The following BCL3 variants were observed in gnomAD, a reference collection of about 807,000 sequenced individuals.
BCL3 encodes BCL3 transcription coactivator, also known as B-cell lymphoma 3 protein.
A neutral mutation model predicts 35.7 loss-of-function variants in BCL3; 15 were observed. The ratio of observed to expected loss-of-function variants is 0.42; its 90% CI spans 0.28 to 0.65. The LOEUF (loss-of-function observed/expected upper bound fraction) is 0.65. Among genes scored for constraint, BCL3 ranks in the 30% least tolerant of loss-of-function variants. BCL3 has a pLI of 0.22. For missense variants in BCL3, 565 were observed against 641.7 expected (o/e 0.88, Z 1.29); for synonymous variants, 311 against 284.3 (o/e 1.09, Z -0.95).
At position 44,752,989 on chromosome 19, in the gene BCL3, T is replaced by A. The variant is rs577294706; in HGVS notation, c.410+1609T>A. Among the ~76,000 whole-genome samples the A allele has an allele frequency of 2.0e-5, 3 of 152,316 alleles. No homozygotes were observed. The South Asian group carries it at 6.2e-4, about 32-fold the overall frequency. On this transcript the variant is annotated intron_variant, in intron 2 of 8. Transcript: ENST00000164227. ...CACTGGCCCACTGAGTGATTTCATGTCCCTGAGTCTCAGTTTCCCTATTTG... is the reference window on the plus strand; with the variant it reads ...CACTGGCCCACTGAGTGATTTCATGACCCTGAGTCTCAGTTTCCCTATTTG...
Position 44,758,794 on chromosome 19 carries a change from G to C in BCL3, c.1130G>C (p.Arg377Pro). 3.1e-6 allele frequency: 5 copies of C among 1,608,208 alleles called. No homozygotes were observed. Among genetic ancestry groups the C allele is most frequent in the Non-Finnish European group, 4.2e-6 (5 of 1,178,188 alleles). ...TCCCAGCCAGACCCCTCCCCTGACCGGAGCGCCAACACCTCCCCCGAGAGC... is the reference window on the plus strand; with the variant it reads ...TCCCAGCCAGACCCCTCCCCTGACCCGAGCGCCAACACCTCCCCCGAGAGC... ...STSQPDPSPDRSANTSPESSS... is the reference protein window; with the variant it reads ...STSQPDPSPDPSANTSPESSS... The change falls in exon 8 of 9, where the codon CGG (arginine) becomes CCG (proline). Residue 377 changes from arginine to proline, a missense_variant. This residue lies in a region of BCL3 where 151 missense variants were observed against 138.1 expected (regional missense o/e 1.09). Coordinates refer to ENST00000164227, the MANE Select transcript of BCL3 (RefSeq NM_005178.5).
Position 44,757,152 on chromosome 19 carries a change from A to C in BCL3, c.655A>C (p.Thr219Pro). 1 of 1,588,254 alleles carries C rather than the reference A, an allele frequency of 6.3e-7. No homozygotes were observed. The highest frequency in any genetic ancestry group is 8.6e-7 in the Non-Finnish European group (1 of 1,167,902). ...CCTGGCGTGCGAGCACCGCAGCCCG[A>C]CCTGCCTGCGAGCCCTGCTGGACAG... Reference protein sequence around the residue: ...AHLACEHRSPTCLRALLDSAA... With the variant: ...AHLACEHRSPPCLRALLDSAA... Residue 219 changes from threonine to proline, a missense_variant, in exon 4 of 9, where the codon ACC becomes CCC. Coordinates refer to ENST00000164227, the MANE Select transcript of BCL3 (RefSeq NM_005178.5). The surrounding 1 kb of genome is among the most constrained non-coding windows in gnomAD (Gnocchi z 8.4).
At chr19:44,748,249 A>G, upstream of BCL3, 1 of 432,070 alleles carries the variant, frequency 2.3e-6, no homozygotes, top group South Asian at 2.1e-5. Flanking sequence ...GACAAAAGAG[A>G]GAGACAGAGA....
chr19:44,759,351 CAGAT>C, intron 8 of BCL3, 73 bp from the exon 9 acceptor site: 3 of 1,208,870 alleles, frequency 2.5e-6, no homozygotes, highest in African/African-American at 1.6e-5. Flanking sequence ...CCCTCAGACC[CAGAT>C]CTCAGGCCCC....
intron 2 of BCL3, among the ~76,000 whole-genome samples, chr19:44,751,976 A>T (rs55917173): frequency 0.054 from 8,161 of 152,192 alleles, 434 homozygotes; most frequent in African/African-American, 0.14. Context: ...CAGTTCATTG[A>T]TTAACTTACT....
chr19:44,749,287 G>C (rs904046574), intron 1 of BCL3, among the ~76,000 whole-genome samples: 3 of 59,366 alleles, frequency 5.1e-5, no homozygotes, highest in African/African-American at 7.7e-5. Context: ...AGTGACGTGG[G>C]GGGGGGGGGG....
intron 1 of BCL3, among the ~76,000 whole-genome samples, chr19:44,750,764 C>T (rs1442207273): frequency 6.6e-6 from 1 of 152,110 alleles, no homozygotes; most frequent in Non-Finnish European, 1.5e-5. Context: ...GTCTGGGCAA[C>T]AGAGCGAGAC....
At chr19:44,754,447 C>T (rs1967243280) in intron 2 of BCL3, among the ~76,000 whole-genome samples, 1 of 152,110 alleles carries the variant, frequency 6.6e-6, no homozygotes, top group Admixed American at 6.5e-5. Flanking sequence ...GGTAGATCCC[C>T]GGCGGGACAG....
rs1045420444 is a variant in BCL3, at chr19:44,757,224, A to G, written c.724+3A>G. On this transcript the variant is annotated splice_donor_region_variant and intron_variant, in intron 4 of 8. Transcript: ENST00000164227. This position sits in a 1 kb window ranked among gnomAD's most constrained non-coding sequence, Gnocchi z 8.4. ...CCTGGAGGCCCGCAATTATGACGGT[A>G]AGCATTTACCGCGGGGCACCGCTGG... is the stretch of plus-strand genomic sequence containing the variant. The G allele has an allele frequency of 1.9e-6, 3 of 1,550,712 alleles. No homozygotes were observed. Among genetic ancestry groups the G allele is most frequent in the Non-Finnish European group, 2.6e-6 (3 of 1,143,482 alleles).
In BCL3 at chr19:44,757,035, G is replaced by A. The variant is rs1967302710; in HGVS notation, c.538G>A (p.Val180Met). Residue 180 changes from valine to methionine, a missense_variant, in exon 4 of 9, where the codon GTG becomes ATG. Physicochemically the swap from Val to Met is conservative, Grantham distance 21. Coordinates refer to ENST00000164227, the MANE Select transcript of BCL3 (RefSeq NM_005178.5). The surrounding 1 kb of genome is among the most constrained non-coding windows in gnomAD (Gnocchi z 8.4). ...TCCCCAGACACCGCTCCACCTGGCTGTGATCACCACATTACCGTCTGTGGT... is the reference window on the plus strand; with the variant it reads ...TCCCCAGACACCGCTCCACCTGGCTATGATCACCACATTACCGTCTGTGGT... ...NLRQTPLHLA[V>M]ITTLPSVVRL... 1.9e-6 allele frequency: 3 copies of A among 1,607,402 alleles called. No individual in the cohort carries two copies. The highest frequency in any genetic ancestry group is 2.6e-6 in the Non-Finnish European group (3 of 1,176,112).
Position 44,757,829 on chromosome 19 carries a change from C to G in BCL3, c.891+106C>G. ...CCCCGCCTTCCACTTCTGGCTCCGG[C>G]TCCTGCTCCGCGTCCAGCTCTGATC... is the stretch of plus-strand genomic sequence containing the variant. On this transcript the variant is annotated intron_variant, in intron 6 of 8. Coordinates refer to ENST00000164227, the MANE Select transcript of BCL3 (RefSeq NM_005178.5). This position sits in a 1 kb window ranked among gnomAD's most constrained non-coding sequence, Gnocchi z 8.4. The G allele has an allele frequency of 8.9e-7, 1 of 1,118,116 alleles. No homozygotes were observed. Among genetic ancestry groups the G allele is most frequent in the South Asian group, 1.3e-5 (1 of 76,052 alleles). The allele number at this position is 1,118,116 out of a possible 1,614,324, so 69.3% of individuals were successfully genotyped here. A position where few individuals can be genotyped will look rare whatever the true frequency, so the allele number is the denominator to read the frequency against.
At chr19:44,748,110 G>T, upstream of BCL3, 1 of 1,323,128 alleles carries the variant, frequency 7.6e-7, no homozygotes, top group African/African-American at 1.5e-5. Flanking sequence ...GGAAGTGTTT[G>T]GCCAAGGTCA....
chr19:44,749,483 G>A (rs1346154232), intron 1 of BCL3, among the ~76,000 whole-genome samples: 3 of 152,058 alleles, frequency 2.0e-5, no homozygotes, highest in Non-Finnish European at 4.4e-5. Context: ...AGGGAGTCAG[G>A]GTAACAGAGA....
chr19:44,758,183 G>A, intron 6 of BCL3, 63 bp from the exon 7 acceptor site: 4 of 1,402,432 alleles, frequency 2.9e-6, no homozygotes, highest in Non-Finnish European at 3.7e-6. Flanking sequence ...CGGGCCTCCA[G>A]CCTCTGTTCC....
Position 44,759,503 on chromosome 19 carries a change from C to T in BCL3, c.1253C>T (p.Pro418Leu), listed in dbSNP as rs769857576. The T allele has an allele frequency of 6.2e-7, 1 of 1,613,340 alleles. No homozygotes were observed. Among genetic ancestry groups the T allele is most frequent in the African/African-American group, 1.3e-5 (1 of 74,956 alleles). ...GACCCCCCTGGATTCCCCATGGCTC[C>T]TCCCAATTTCTTCCTTCCTTCCCCA... Reference protein sequence around the residue: ...PRDPPGFPMAPPNFFLPSPSP... With the variant: ...PRDPPGFPMALPNFFLPSPSP... Residue 418 changes from proline to leucine, a missense_variant, in exon 9 of 9, where the codon CCT becomes CTT. Around this residue, in one of 5 missense-constraint regions of BCL3, gnomAD observed 151 missense variants for 138.1 expected, o/e 1.09. Coordinates refer to ENST00000164227, the MANE Select transcript of BCL3 (RefSeq NM_005178.5).
At chr19:44,750,871 C>A (rs746448988) in intron 1 of BCL3, among the ~76,000 whole-genome samples, 2 of 152,170 alleles carry the variant, frequency 1.3e-5, no homozygotes, top group Non-Finnish European at 2.9e-5. Flanking sequence ...CACCCTGCAC[C>A]CAGCAATTCA....
intron 1 of BCL3, 30 bp downstream of exon 1, chr19:44,749,076 T>G: frequency 2.5e-6 from 3 of 1,220,624 alleles, no homozygotes; most frequent in Non-Finnish European, 3.2e-6. Flanking sequence ...CCGGGCCGGG[T>G]GGGATCCACA....
Position 44,758,812 on chromosome 19 carries a change from C to G in BCL3, c.1148C>G (p.Pro383Arg), listed in dbSNP as rs772932566. The G allele has an allele frequency of 1.2e-6, 2 of 1,604,594 alleles. No individual in the cohort carries two copies. Among genetic ancestry groups the G allele is most frequent in the Non-Finnish European group, 1.7e-6 (2 of 1,176,658 alleles). The stretch of plus-strand genomic sequence containing the variant: ...CCTGACCGGAGCGCCAACACCTCCC[C>G]CGAGAGCAGCAGCCGCCTCAGCTCC... The part of the protein sequence containing the change: ...PSPDRSANTS[P>R]ESSSRLSSNG... The change falls in exon 8 of 9, where the codon CCC becomes CGC. Residue 383 changes from proline (P) to arginine (R), a missense_variant. Transcript: ENST00000164227.
intron 2 of BCL3, among the ~76,000 whole-genome samples, chr19:44,753,788 G>A (rs1967226709): frequency 7.2e-6 from 1 of 138,510 alleles, no homozygotes; most frequent in Admixed American, 7.1e-5. Flanking sequence ...GTTAGGGACT[G>A]GGCAGCCAGA....
Sources: gnomAD v4.1 joint callset for allele counts (sites outside exome capture counted in the v4.1 genomes callset) on GRCh38, gnomAD v4.1.1 for gene constraint, gnomAD v4.1.1 regional missense constraint, Gnocchi (gnomAD v3.1) non-coding constraint, MANE v1.5 for transcripts, NCBI Gene and HGNC (gene_info 2026-07-23, HGNC 2026-07-21) for gene names.